Variants in APAF1 observed in about 807,000 individuals in gnomAD.
The protein encoded by APAF1 is apoptotic protease-activating factor 1.
A neutral mutation model predicts 152.4 loss-of-function variants in APAF1; 91 were observed. The observed-to-expected ratio is 0.60, with a 90% CI of 0.50 to 0.71. The LOEUF is 0.71. APAF1 is among the 30% of genes least tolerant of loss of function. The pLI is 0.00. For synonymous variants in APAF1, 484 were observed against 494.1 expected, an observed-to-expected ratio of 0.98 and a Z score of 0.27; for missense variants, 1,283 against 1,472.0, an observed-to-expected ratio of 0.87 and a Z score of 2.10.
intron 4 of APAF1, among the ~76,000 whole-genome samples, chr12:98,657,825 C>T (rs960084888): frequency 2.6e-5 from 4 of 152,096 alleles, no homozygotes; most frequent in Admixed American, 2.6e-4. Flanking sequence ...TCCTCATTTT[C>T]AAAATGAAGA....
At chr12:98,657,584 CAT>C (rs1355773835) in intron 4 of APAF1, among the ~76,000 whole-genome samples, 1 of 152,154 alleles carries the variant, frequency 6.6e-6, no homozygotes, top group Non-Finnish European at 1.5e-5. Context: ...ACTTCATTTA[CAT>C]ATAAGGTTCA....
At position 98,733,215 on chromosome 12, in the gene APAF1, A is replaced by G. The variant is rs2097764766; in HGVS notation, c.*649A>G. On this transcript the variant is annotated 3_prime_UTR_variant, in exon 27 of 27. Coordinates refer to ENST00000551964, the MANE Select transcript of APAF1 (RefSeq NM_181861.2). The stretch of plus-strand genomic sequence containing the variant: ...AGTGGCGCGATCTCGGCTCACCACA[A>G]TCGCTGCCTCCTGGGTTCAAGCAAT... 1 of 151,126 alleles carries G rather than the reference A, an allele frequency of 6.6e-6. No individual in the cohort carries two copies. 9.4% of individuals were successfully genotyped at this position (151,126 alleles called of 1,614,324 possible). A position where few individuals can be genotyped will look rare whatever the true frequency, so the allele number is the denominator to read the frequency against.
chr12:98,697,262 T>G (rs1198282224), intron 16 of APAF1, among the ~76,000 whole-genome samples: 1 of 152,140 alleles, frequency 6.6e-6, no homozygotes, highest in Non-Finnish European at 1.5e-5. Context: ...CCTCAAGCCC[T>G]CAGCTTGAAT....
chr12:98,670,965 T>A lies in APAF1; in HGVS notation c.1495-8T>A. ...AGTGCTGCTGATACTACTTTTTGTT[T>A]TTTAAAGGAACTTTGTGCTTTAATG... On this transcript the variant is annotated splice_region_variant and splice_polypyrimidine_tract_variant and intron_variant, in intron 10 of 26. Transcript: ENST00000551964. 2 of 1,605,230 alleles carry A rather than the reference T, an allele frequency of 1.2e-6. No individual in the cohort carries two copies. Among genetic ancestry groups the A allele is most frequent in the Non-Finnish European group, 1.7e-6 (2 of 1,172,258 alleles).
chr12:98,721,456 G>T (rs2097742657), intron 22 of APAF1, among the ~76,000 whole-genome samples: 4 of 152,190 alleles, frequency 2.6e-5, no homozygotes, highest in Middle Eastern at 3.2e-3. Context: ...CCAGAAAGCG[G>T]GAGGAGAGAG....
intron 7 of APAF1, among the ~76,000 whole-genome samples, chr12:98,664,524 T>C (rs543398079): frequency 1.3e-5 from 2 of 151,944 alleles, no homozygotes; most frequent in East Asian, 3.9e-4. Flanking sequence ...TATGTATATG[T>C]GGTTTTGGAT....
Position 98,732,442 on chromosome 12 carries a change from A to T in APAF1, c.3623A>T (p.Glu1208Val). The change falls in exon 27 of 27, where the codon GAA (glutamate) becomes GTA (valine). Residue 1208 changes from glutamate (E) to valine (V), a missense_variant. Transcript: ENST00000551964. Reference protein sequence around the residue: ...YIKWWNVVTGESSQTFYTNGT... With the variant: ...YIKWWNVVTGVSSQTFYTNGT... The stretch of plus-strand genomic sequence containing the variant: ...CAGTGGTGGAACGTTGTCACTGGGG[A>T]ATCCTCACAGACCTTCTACACAAAT... The T allele has an allele frequency of 6.2e-7, 1 of 1,613,550 alleles. No homozygotes were observed. Among genetic ancestry groups the T allele is most frequent in the Non-Finnish European group, 8.5e-7 (1 of 1,179,486 alleles).
At chr12:98,688,599 T>A (rs2097700572) in intron 16 of APAF1, among the ~76,000 whole-genome samples, 1 of 150,652 alleles carries the variant, frequency 6.6e-6, no homozygotes, top group Non-Finnish European at 1.5e-5. Flanking sequence ...GCCTCTCAAG[T>A]AACTGGAATC....
At position 98,715,249 on chromosome 12, in the gene APAF1, T is replaced by TGC. The variant is rs1164156972; in HGVS notation, c.2959-178_2959-177insGC. Among the ~76,000 whole-genome samples the TGC allele has an allele frequency of 1.5e-3, 112 of 73,680 alleles. 4 individuals are homozygous for TGC. The highest frequency in any genetic ancestry group is 4.7e-3 in the African/African-American group (108 of 22,934). The allele number at this position is 73,680 out of a possible 152,430, so 48.3% of individuals were successfully genotyped here. On this transcript the variant is annotated intron_variant, in intron 21 of 26. Transcript: ENST00000551964. Reference sequence around the variant, plus strand: ...TACATGGTGTGCATATATATATATATATATATATATATATATATATATATA... The same window carrying TGC: ...TACATGGTGTGCATATATATATATATGCATATATATATATATATATATATATA...
intron 10 of APAF1, among the ~76,000 whole-genome samples, chr12:98,668,379 A>G (rs2097676050): frequency 6.6e-6 from 1 of 152,204 alleles, no homozygotes; most frequent in Admixed American, 6.5e-5. Flanking sequence ...TGGATAGTGG[A>G]AAAGTATATT....
chr12:98,730,405 T>C (rs2097758970), intron 26 of APAF1, among the ~76,000 whole-genome samples: 1 of 152,254 alleles, frequency 6.6e-6, no homozygotes, highest in Non-Finnish European at 1.5e-5. Flanking sequence ...GACCACATCA[T>C]TTGATTCTCT....
chr12:98,672,805 A>G (rs1483206368), intron 12 of APAF1, among the ~76,000 whole-genome samples: 4 of 151,830 alleles, frequency 2.6e-5, no homozygotes, highest in Non-Finnish European at 5.9e-5. Flanking sequence ...CCCAGGCTGG[A>G]GTGCAATGGC....
In APAF1 at chr12:98,665,786, A is replaced by G. The variant is rs753782480; in HGVS notation, c.1189A>G (p.Thr397Ala). 13 of 1,606,696 alleles carry G rather than the reference A, an allele frequency of 8.1e-6. No homozygotes were observed. In the South Asian group the frequency reaches 1.3e-4, roughly 16 times the overall value. The change falls in exon 8 of 27, where the codon ACA becomes GCA. Residue 397 changes from threonine to alanine, a missense_variant. Thr to Ala is a moderately conservative substitution (Grantham distance 58). Transcript: ENST00000551964. ...SILQKDVKVP[T>A]KVLCILWDME... Reference sequence around the variant, plus strand: ...CCTTCAGAAGGACGTTAAGGTGCCTACAAAGGTAATGGGATCAATGATCCT... The same window carrying G: ...CCTTCAGAAGGACGTTAAGGTGCCTGCAAAGGTAATGGGATCAATGATCCT...
chr12:98,675,487 C>G (rs772347669), intron 12 of APAF1, among the ~76,000 whole-genome samples: 2 of 152,180 alleles, frequency 1.3e-5, no homozygotes, highest in African/African-American at 2.4e-5. Context: ...TCCATAGATT[C>G]AACCAACCTG....
intron 4 of APAF1, 33 bp from the exon 5 acceptor site, chr12:98,659,127 A>G (rs2097661454): frequency 1.2e-6 from 2 of 1,604,602 alleles, no homozygotes; most frequent in East Asian, 2.2e-5. Flanking sequence ...TCCTGTTGAA[A>G]GGCCTTAAGT....
rs186400502 is a variant in APAF1 at position 98,671,233 on chromosome 12, G to T, written c.1608+147G>T. 1.9e-3 allele frequency: 1,258 copies of T among 666,568 alleles called. 1 individual carries two copies. The highest frequency in any genetic ancestry group is 2.8e-3 in the Non-Finnish European group (1,082 of 388,738). The allele number at this position is 666,568 out of a possible 1,614,324, so 41.3% of individuals were successfully genotyped here. ...GATTTTTGGTTATTCTAATTAATTT[G>T]CTTCCTACCCTACTGGGAAAGTAGG... On this transcript the variant is annotated intron_variant, in intron 11 of 26. Coordinates refer to ENST00000551964, the MANE Select transcript of APAF1 (RefSeq NM_181861.2).
At chr12:98,680,506 T>C in intron 14 of APAF1, 104 bp downstream of exon 14, 3 of 1,092,710 alleles carry the variant, frequency 2.7e-6, no homozygotes, top group Non-Finnish European at 4.1e-6. Context: ...TCTCACCTGT[T>C]GATCTACTAA....
At chr12:98,665,279 T>TATATATATATATATATATA (rs1491328899) in intron 7 of APAF1, among the ~76,000 whole-genome samples, 48 of 65,552 alleles carry the variant, frequency 7.3e-4, no homozygotes, top group South Asian at 1.0e-3. Context: ...TATATATATA[T>TATATATATATATATATATA]TTTTTTTTTT....
At chr12:98,662,380 C>G in intron 5 of APAF1, 76 bp from the exon 6 acceptor site, 1 of 1,100,082 alleles carries the variant, frequency 9.1e-7, no homozygotes. Context: ...TTTTAAAAGA[C>G]ACTGGTGGGA....
Sources: gnomAD v4.1 joint callset for allele counts (sites outside exome capture counted in the v4.1 genomes callset) on GRCh38, gnomAD v4.1.1 for gene constraint, MANE v1.5 for transcripts, NCBI Gene and HGNC (gene_info 2026-07-23, HGNC 2026-07-21) for gene names.